The following PRKG1 variants were observed in gnomAD, a reference collection of about 807,000 sequenced individuals.
PRKG1 encodes the protein cGMP-dependent protein kinase 1.
Under a neutral mutation model 88.1 loss-of-function variants are expected in PRKG1, and 35 were observed. The observed-to-expected ratio is 0.40, with a 90% confidence interval of 0.30 to 0.53. The LOEUF is 0.53. Among genes scored for constraint, PRKG1 ranks in the 20% least tolerant of loss-of-function variants. The pLI is 0.59. For synonymous variants in PRKG1, 303 were observed against 292.5 expected (o/e 1.04, Z -0.37); for missense variants, 540 against 839.8 (o/e 0.64, Z 4.41).
upstream of PRKG1, among the ~76,000 whole-genome samples, chr10:51,072,152 G>A (rs537784852): frequency 7.2e-5 from 11 of 152,146 alleles, no homozygotes; most frequent in South Asian, 2.1e-4. Context: ...CTGAGATTGC[G>A]CCACTGCACT....
intron 2 of PRKG1, among the ~76,000 whole-genome samples, chr10:51,257,182 T>TGA (rs1348384174): frequency 2.7e-5 from 4 of 148,506 alleles, no homozygotes; most frequent in Admixed American, 6.8e-5. Context: ...TTTTTTTTTT[T>TGA]GAGAGAAGAT....
chr10:51,441,965 G>T (rs944745860), intron 2 of PRKG1, among the ~76,000 whole-genome samples: 15 of 151,674 alleles, frequency 9.9e-5, no homozygotes, highest in African/African-American at 3.6e-4. Flanking sequence ...TCATAGAAGT[G>T]CATTTGAAGT....
intron 1 of PRKG1, among the ~76,000 whole-genome samples, chr10:51,114,704 C>G (rs1053196123): frequency 3.9e-5 from 6 of 151,988 alleles, no homozygotes; most frequent in Non-Finnish European, 7.4e-5. Context: ...GAGGAGGCAG[C>G]TTTATTATTT....
intron 3 of PRKG1, among the ~76,000 whole-genome samples, chr10:51,485,402 T>G (rs1161486006): frequency 6.6e-6 from 1 of 152,170 alleles, no homozygotes; most frequent in East Asian, 1.9e-4. Context: ...CGGAGGGTGG[T>G]TAGACAGAAC....
chr10:51,259,553 A>C (rs897812923), intron 2 of PRKG1, among the ~76,000 whole-genome samples: 1 of 152,168 alleles, frequency 6.6e-6, no homozygotes, highest in Non-Finnish European at 1.5e-5. Context: ...GGCTCACTGC[A>C]ACCTCTGCCT....
At chr10:51,980,105 A>G (rs1843968126) in intron 5 of PRKG1, among the ~76,000 whole-genome samples, 1 of 151,954 alleles carries the variant, frequency 6.6e-6, no homozygotes, top group African/African-American at 2.4e-5. Flanking sequence ...TAACTTTTTC[A>G]TGTGAGCATT....
At chr10:52,211,303 A>G (rs1400434440) in intron 9 of PRKG1, among the ~76,000 whole-genome samples, 1 of 152,222 alleles carries the variant, frequency 6.6e-6, no homozygotes, top group African/African-American at 2.4e-5. Flanking sequence ...TTTACCCAGT[A>G]TTCTAACTAT....
At chr10:52,127,453 G>A (rs1290361287) in intron 7 of PRKG1, among the ~76,000 whole-genome samples, 1 of 152,142 alleles carries the variant, frequency 6.6e-6, no homozygotes, top group Non-Finnish European at 1.5e-5. Flanking sequence ...CTCAATGAGA[G>A]AAAGCAGGGC....
chr10:52,017,138 A>G (rs1179820327), intron 5 of PRKG1, among the ~76,000 whole-genome samples: 3 of 152,234 alleles, frequency 2.0e-5, no homozygotes, highest in Non-Finnish European at 4.4e-5. Context: ...AAAGAAAAAC[A>G]AAAGAGAGAT....
chr10:51,525,075 A>C (rs907796834), intron 3 of PRKG1, among the ~76,000 whole-genome samples: 2 of 152,078 alleles, frequency 1.3e-5, no homozygotes, highest in Non-Finnish European at 2.9e-5. Flanking sequence ...AATCAGTATA[A>C]AGCACATCAC....
rs142814270 is a variant in PRKG1, at chr10:51,783,075, G to A, written c.593-21510G>A. On this transcript the variant is annotated intron_variant, in intron 3 of 17. Coordinates refer to ENST00000373980, the MANE Select transcript of PRKG1 (RefSeq NM_006258.4). Reference sequence around the variant, plus strand: ...TCGAAAACTCTTAGTATTAAAAAAAGTCTCTTTTAGAAAAAAACAAAATAA... The same window carrying A: ...TCGAAAACTCTTAGTATTAAAAAAAATCTCTTTTAGAAAAAAACAAAATAA... Among the ~76,000 whole-genome samples the A allele has an allele frequency of 7.0e-3, 1,065 of 152,002 alleles. 13 individuals carry two copies. Among genetic ancestry groups the A allele is most frequent in the African/African-American group, 0.022 (906 of 41,476 alleles).
intron 1 of PRKG1, among the ~76,000 whole-genome samples, chr10:51,069,331 C>T (rs554734508): frequency 6.6e-6 from 1 of 151,862 alleles, no homozygotes; most frequent in East Asian, 1.9e-4. Flanking sequence ...TACTTATATC[C>T]ATGTAAATAT....
intron 1 of PRKG1, among the ~76,000 whole-genome samples, chr10:51,060,043 C>T (rs1189390669): frequency 1.3e-5 from 2 of 151,962 alleles, no homozygotes; most frequent in African/African-American, 4.8e-5. Context: ...ATAAATTAAT[C>T]ATTTTATTAT....
intron 1 of PRKG1, among the ~76,000 whole-genome samples, chr10:51,063,619 T>C (rs1323408902): frequency 6.6e-6 from 1 of 152,214 alleles, no homozygotes; most frequent in Non-Finnish European, 1.5e-5. Flanking sequence ...ACATGATGCA[T>C]GACTGTACGT....
chr10:51,968,104 T>C (rs1340559478), intron 5 of PRKG1, among the ~76,000 whole-genome samples: 1 of 152,184 alleles, frequency 6.6e-6, no homozygotes, highest in Admixed American at 6.5e-5. Flanking sequence ...TAGAGTTTTG[T>C]TACTCAAAAT....
chr10:52,235,592 G>A (rs1840660836), intron 9 of PRKG1, among the ~76,000 whole-genome samples: 1 of 134,132 alleles, frequency 7.5e-6, no homozygotes, highest in African/African-American at 2.8e-5. Flanking sequence ...ATGGTAAAGG[G>A]ATCAATTCAA....
chr10:52,081,353 G>A (rs1250669541), intron 7 of PRKG1, among the ~76,000 whole-genome samples: 1 of 152,022 alleles, frequency 6.6e-6, no homozygotes, highest in African/African-American at 2.4e-5. Context: ...CATAATAGTT[G>A]CTTACCATGC....
chr10:51,892,637 A>G (rs2132910772), intron 4 of PRKG1, among the ~76,000 whole-genome samples: 2 of 152,298 alleles, frequency 1.3e-5, no homozygotes, highest in South Asian at 4.1e-4. Context: ...TTATAAAGTG[A>G]GACAGTATTG....
intron 7 of PRKG1, among the ~76,000 whole-genome samples, chr10:52,122,591 T>C (rs895221685): frequency 2.0e-5 from 3 of 152,112 alleles, no homozygotes; most frequent in African/African-American, 7.2e-5. Context: ...AATAAAATAA[T>C]AACAAAGAAC....
Sources: allele counts gnomAD v4.1 joint callset (sites outside exome capture counted in the v4.1 genomes callset), GRCh38; gene constraint gnomAD v4.1.1; transcripts MANE v1.5; gene names NCBI Gene and HGNC (gene_info 2026-07-23, HGNC 2026-07-21).